The following PRDM16 variants were observed in gnomAD, a reference collection of about 807,000 sequenced individuals.
PRDM16 encodes histone-lysine N-methyltransferase PRDM16.
PRDM16 carries 23 observed loss-of-function variants against 110.6 expected under a neutral mutation model. The observed-to-expected ratio is 0.21, with a 90% CI of 0.15 to 0.29. The LOEUF is 0.29. Among genes scored for constraint, PRDM16 ranks in the 10% least tolerant of loss-of-function variants. PRDM16 has a pLI of 1.00. For synonymous variants in PRDM16, 799 were observed against 781.8 expected (o/e 1.02, Z -0.37); for missense variants, 1,615 against 1,794.3 (o/e 0.90, Z 1.81).
intron 3 of PRDM16, among the ~76,000 whole-genome samples, chr1:3,294,952 G>A (rs576769295): frequency 9.8e-5 from 15 of 152,340 alleles, no homozygotes; most frequent in South Asian, 2.1e-4. Flanking sequence ...GTCAGGCCCC[G>A]TCTCAGGGAC....
intron 2 of PRDM16, among the ~76,000 whole-genome samples, chr1:3,197,364 C>A (rs1638506179): frequency 6.6e-6 from 1 of 152,212 alleles, no homozygotes; most frequent in African/African-American, 2.4e-5. Context: ...TCACAGCGGC[C>A]CCAGCTCGTC....
At chr1:3,385,016 G>A in intron 3 of PRDM16, 136 bp from the exon 4 acceptor site, 1 of 1,056,874 alleles carries the variant, frequency 9.5e-7, no homozygotes, top group South Asian at 1.4e-5. Context: ...GATGCCCGGA[G>A]GGTGGGCTGA....
chr1:3,245,977 A>G lies in PRDM16; in HGVS notation c.438+1840A>G, dbSNP rs952029462. The stretch of plus-strand genomic sequence containing the variant: ...TGCCTCATGGAGGTGGCCTGGCAGG[A>G]GGTTAGAAGGGGATCAGTTTATGCT... On this transcript the variant is annotated intron_variant, in intron 3 of 16. Transcript: ENST00000270722. This position sits in a 1 kb window ranked among gnomAD's most constrained non-coding sequence, Gnocchi z 4.7. Among the ~76,000 whole-genome samples the G allele has an allele frequency of 3.3e-5, 5 of 151,928 alleles. No homozygotes were observed. The highest frequency in any genetic ancestry group is 7.4e-5 in the Non-Finnish European group (5 of 67,976).
At chr1:3,331,990 C>T (rs1213428654) in intron 3 of PRDM16, among the ~76,000 whole-genome samples, 1 of 152,258 alleles carries the variant, frequency 6.6e-6, no homozygotes, top group African/African-American at 2.4e-5. Flanking sequence ...GACTCTGGCC[C>T]TGGGACTGGG....
At chr1:3,345,326 C>T (rs188302267) in intron 3 of PRDM16, among the ~76,000 whole-genome samples, 13 of 152,268 alleles carry the variant, frequency 8.5e-5, no homozygotes, top group Admixed American at 6.5e-4. Flanking sequence ...CAGGAGAGTA[C>T]ATCCAACAGA....
chr1:3,203,646 G>A (rs900894342), intron 2 of PRDM16, among the ~76,000 whole-genome samples: 2 of 152,218 alleles, frequency 1.3e-5, no homozygotes, highest in African/African-American at 4.8e-5. Flanking sequence ...GTGCCCTCGA[G>A]GCCTCTGGCT....
intron 3 of PRDM16, among the ~76,000 whole-genome samples, chr1:3,272,471 G>A (rs747552714): frequency 2.0e-5 from 3 of 152,166 alleles, no homozygotes; most frequent in Non-Finnish European, 4.4e-5. Flanking sequence ...GAGTCGTGCA[G>A]CCTCTGCTGT....
chr1:3,361,607 C>T (rs571422779), intron 3 of PRDM16, among the ~76,000 whole-genome samples: 2 of 152,358 alleles, frequency 1.3e-5, no homozygotes, highest in African/African-American at 4.8e-5. Context: ...GTGAGCTCCT[C>T]GGATCGGGAG....
intron 1 of PRDM16, among the ~76,000 whole-genome samples, chr1:3,182,114 T>A (rs1644217602): frequency 6.6e-6 from 1 of 152,244 alleles, no homozygotes; most frequent in African/African-American, 2.4e-5. Context: ...GGTGCCTCTT[T>A]CCTGCCCAGT....
chr1:3,239,954 A>C (rs1284547449), intron 2 of PRDM16, among the ~76,000 whole-genome samples: 2 of 151,074 alleles, frequency 1.3e-5, no homozygotes, highest in Non-Finnish European at 2.9e-5. Flanking sequence ...AGAGAGAGAG[A>C]GAAGAAAAGT....
At position 3,437,240 on chromosome 1, in the gene PRDM16, C is replaced by G. The variant is rs1377238588; in HGVS notation, c.*3429C>G. 2 of 232,750 alleles carry G rather than the reference C, an allele frequency of 8.6e-6. No individual in the cohort carries two copies. Among genetic ancestry groups the G allele is most frequent in the African/African-American group, 2.2e-5 (1 of 45,280 alleles). 14.4% of individuals were successfully genotyped at this position (232,750 alleles called of 1,614,324 possible). A position where few individuals can be genotyped will look rare whatever the true frequency, so the allele number is the denominator to read the frequency against. ...ACGCGTGCAGCTGTCCCATCCAGACCCCGACTGGCCAAGACCTCCACGTCC... is the reference window on the plus strand; with the variant it reads ...ACGCGTGCAGCTGTCCCATCCAGACGCCGACTGGCCAAGACCTCCACGTCC... On this transcript the variant is annotated 3_prime_UTR_variant, in exon 17 of 17. Coordinates refer to ENST00000270722, the MANE Select transcript of PRDM16 (RefSeq NM_022114.4).
At chr1:3,104,586 G>A (rs1460556252) in intron 1 of PRDM16, among the ~76,000 whole-genome samples, 1 of 152,154 alleles carries the variant, frequency 6.6e-6, no homozygotes. Context: ...AGCCTGGCTG[G>A]CCCCGCCTAC....
At chr1:3,123,978 C>A (rs1425825790) in intron 1 of PRDM16, among the ~76,000 whole-genome samples, 1 of 152,220 alleles carries the variant, frequency 6.6e-6, no homozygotes, top group Admixed American at 6.5e-5. Context: ...GCACCCCACG[C>A]CGTATGGTGG....
intron 8 of PRDM16, among the ~76,000 whole-genome samples, chr1:3,408,713 AGAGT>A (rs1048399889): frequency 1.5e-5 from 2 of 134,190 alleles, no homozygotes; most frequent in Non-Finnish European, 3.1e-5. Context: ...GGCGTGCATG[AGAGT>A]GTGTGAGTGT....
At chr1:3,221,444 C>T (rs559734364) in intron 2 of PRDM16, among the ~76,000 whole-genome samples, 5 of 152,348 alleles carry the variant, frequency 3.3e-5, no homozygotes, top group South Asian at 2.1e-4. Context: ...AAATGACAGG[C>T]GCTTGCAGCT....
chr1:3,270,777 A>G (rs1640432830), intron 3 of PRDM16, among the ~76,000 whole-genome samples: 1 of 150,426 alleles, frequency 6.6e-6, no homozygotes, highest in African/African-American at 2.5e-5. Flanking sequence ...CTGGAGGAGG[A>G]CAGTCCCAGA....
chr1:3,166,271 C>T lies in PRDM16; in HGVS notation c.38-19854C>T, dbSNP rs957969624. Among the ~76,000 whole-genome samples, 17 of 152,262 alleles carry T rather than the reference C, an allele frequency of 1.1e-4. 1 individual carries two copies. The highest frequency in any genetic ancestry group is 5.8e-4 in the East Asian group (3 of 5,186). On this transcript the variant is annotated intron_variant, in intron 1 of 16. Transcript: ENST00000270722. ...GCTCCCGAAGAGCTTTGCTCAAACA[C>T]GGGGCTGTCTGGTGGTGGGCGTTCT... is the stretch of plus-strand genomic sequence containing the variant.
chr1:3,205,522 T>A (rs1286626079), intron 2 of PRDM16, among the ~76,000 whole-genome samples: 2 of 151,358 alleles, frequency 1.3e-5, no homozygotes, highest in Non-Finnish European at 2.9e-5. Context: ...AAAACAGAGG[T>A]GGGGGGCAGG....
intron 1 of PRDM16, among the ~76,000 whole-genome samples, chr1:3,182,402 G>A (rs984930837): frequency 1.2e-4 from 18 of 152,310 alleles, no homozygotes; most frequent in Admixed American, 2.6e-4. Context: ...TGTCCTGGCC[G>A]GTTTAGCACA....
Sources: allele counts gnomAD v4.1 joint callset (sites outside exome capture counted in the v4.1 genomes callset), GRCh38; gene constraint gnomAD v4.1.1; non-coding constraint Gnocchi (gnomAD v3.1); transcripts MANE v1.5; gene names NCBI Gene and HGNC (gene_info 2026-07-23, HGNC 2026-07-21).